Variants in KATNIP observed in about 807,000 individuals in gnomAD.
The protein encoded by KATNIP is katanin-interacting protein.
A neutral mutation model predicts 174.0 loss-of-function variants in KATNIP; 126 were observed. The ratio of observed to expected loss-of-function variants is 0.72; its 90% confidence interval spans 0.63 to 0.84. The LOEUF is 0.84. KATNIP is among the 40% of genes least tolerant of loss of function. KATNIP has a pLI of 0.00. For synonymous variants in KATNIP, 810 were observed against 835.7 expected (o/e 0.97, Z 0.53); for missense variants, 1,958 against 2,109.7 (o/e 0.93, Z 1.41).
intron 5 of KATNIP, among the ~76,000 whole-genome samples, chr16:27,642,600 G>A (rs2076833715): frequency 6.6e-6 from 1 of 152,046 alleles, no homozygotes; most frequent in Admixed American, 6.6e-5. Context: ...CAGCCCTAGC[G>A]CCGAGGGTAA....
chr16:27,596,777 C>T (rs985453429), intron 2 of KATNIP, among the ~76,000 whole-genome samples: 2 of 152,168 alleles, frequency 1.3e-5, no homozygotes, highest in Admixed American at 6.5e-5. Flanking sequence ...AATCTCAGCA[C>T]TTTGGGAGGC....
At chr16:27,764,692 G>A (rs1040372923) in intron 19 of KATNIP, among the ~76,000 whole-genome samples, 16 of 152,068 alleles carry the variant, frequency 1.1e-4, no homozygotes, top group Non-Finnish European at 1.0e-4. Flanking sequence ...TTTCACTGTC[G>A]GCTACAAATG....
At chr16:27,748,723 G>A (rs1725350858) in intron 15 of KATNIP, among the ~76,000 whole-genome samples, 1 of 150,230 alleles carries the variant, frequency 6.7e-6, no homozygotes, top group Non-Finnish European at 1.5e-5. Context: ...GGTCAAGGTT[G>A]CAGTGAGCTT....
At chr16:27,773,613 C>A (rs1449073225) in intron 23 of KATNIP, among the ~76,000 whole-genome samples, 3 of 152,066 alleles carry the variant, frequency 2.0e-5, no homozygotes, top group Non-Finnish European at 4.4e-5. Flanking sequence ...CATAGTATGC[C>A]CACACCAGAA....
intron 15 of KATNIP, among the ~76,000 whole-genome samples, chr16:27,742,032 C>CA (rs561087780): frequency 0.042 from 4,713 of 113,484 alleles, 125 homozygotes; most frequent in East Asian, 0.17. Flanking sequence ...CTGTATATGT[C>CA]AAAAAAAAAA....
chr16:27,550,337 C>G (rs2089293169), intron 1 of KATNIP, among the ~76,000 whole-genome samples, 160 bp downstream of exon 1: 1 of 152,140 alleles, frequency 6.6e-6, no homozygotes, highest in East Asian at 1.9e-4. Flanking sequence ...TGGTCTGGAA[C>G]GCGGAGGAGA....
intron 21 of KATNIP, 29 bp downstream of exon 21, chr16:27,770,047 C>T: frequency 6.2e-7 from 1 of 1,601,372 alleles, no homozygotes; most frequent in Non-Finnish European, 8.5e-7. Context: ...CCACACACAG[C>T]CCCTCCCGGC....
At chr16:27,640,785 G>A (rs758770858) in intron 5 of KATNIP, among the ~76,000 whole-genome samples, 2 of 151,838 alleles carry the variant, frequency 1.3e-5, no homozygotes, top group Non-Finnish European at 2.9e-5. Context: ...TGCAAACCTG[G>A]GTCCTGACAC....
rs144407377 is a variant in KATNIP, at chr16:27,621,649, C to T, written c.140+3148C>T. ...TAAAGAGAAAGGTTTCATTGGCTCA[C>T]GATTCTGCAGGCTGTACAGGAAGCA... On this transcript the variant is annotated intron_variant, in intron 3 of 27. Transcript: ENST00000261588. 3.2e-4 allele frequency among the ~76,000 whole-genome samples: 48 copies of T among 151,834 alleles called. No homozygotes were observed. The East Asian group carries it at 9.0e-3, about 29-fold the overall frequency.
chr16:27,593,239 CTTTT>C (rs1277615598), intron 2 of KATNIP, among the ~76,000 whole-genome samples: 1 of 90,558 alleles, frequency 1.1e-5, no homozygotes, highest in Non-Finnish European at 2.1e-5. Flanking sequence ...ACCCCCCACC[CTTTT>C]TTTTTTTTTT....
At chr16:27,556,651 G>C (rs1010779324) in intron 1 of KATNIP, among the ~76,000 whole-genome samples, 1 of 152,148 alleles carries the variant, frequency 6.6e-6, no homozygotes, top group Non-Finnish European at 1.5e-5. Flanking sequence ...CTGCAAACAG[G>C]TGATGGTTGA....
intron 1 of KATNIP, among the ~76,000 whole-genome samples, chr16:27,569,686 G>C (rs1200134094): frequency 6.6e-6 from 1 of 152,220 alleles, no homozygotes; most frequent in Non-Finnish European, 1.5e-5. Context: ...TTGACAGGCA[G>C]GAGCTGTCTT....
intron 1 of KATNIP, among the ~76,000 whole-genome samples, chr16:27,564,160 C>T (rs1047040311): frequency 2.6e-5 from 4 of 152,070 alleles, no homozygotes; most frequent in African/African-American, 9.7e-5. Flanking sequence ...TATTTGGAAG[C>T]CCAAGTTCAG....
At chr16:27,672,064 TA>T (rs2077931260) in intron 6 of KATNIP, among the ~76,000 whole-genome samples, 1 of 151,924 alleles carries the variant, frequency 6.6e-6, no homozygotes, top group Non-Finnish European at 1.5e-5. Flanking sequence ...CTCAAAAAAA[TA>T]AATTAATAAA....
intron 15 of KATNIP, among the ~76,000 whole-genome samples, chr16:27,749,294 C>G (rs116357467): frequency 6.6e-6 from 1 of 152,224 alleles, no homozygotes; most frequent in Non-Finnish European, 1.5e-5. Context: ...ATTATTTTAC[C>G]GACCTGAATG....
At chr16:27,669,186 A>G in intron 6 of KATNIP, 1 of 657,070 alleles carries the variant, frequency 1.5e-6, no homozygotes, top group Non-Finnish European at 1.9e-6. Context: ...AGTTCAGCAG[A>G]AAGAGGAAGC....
At chr16:27,627,155 C>T (rs2076358540) in intron 3 of KATNIP, among the ~76,000 whole-genome samples, 1 of 152,182 alleles carries the variant, frequency 6.6e-6, no homozygotes, top group South Asian at 2.1e-4. Context: ...GAGGCAACAT[C>T]TTTAGTCCCC....
In KATNIP at chr16:27,628,786, A is replaced by G. The variant is rs2076403190; in HGVS notation, c.266A>G (p.His89Arg). Residue 89 changes from histidine to arginine, a missense_variant, in exon 4 of 28, where the codon CAC becomes CGC. His to Arg is a conservative substitution (Grantham distance 29). Around this residue, in one of 3 missense-constraint regions of KATNIP, gnomAD observed 1,557 missense variants for 1,617.8 expected, o/e 0.96. Coordinates refer to ENST00000261588, the MANE Select transcript of KATNIP (RefSeq NM_015202.5). ...AAATCATCACCGCGGAAAGCTATTC[A>G]CTCTGACTTCTCCAGAAGTGCCTCC... ...ELKSSPRKAI[H>R]SDFSRSASHT... The G allele has an allele frequency of 6.2e-7, 1 of 1,613,874 alleles. No homozygotes were observed. Among genetic ancestry groups the G allele is most frequent in the Admixed American group, 1.7e-5 (1 of 59,974 alleles).
chr16:27,610,289 G>T (rs936515740), intron 2 of KATNIP, among the ~76,000 whole-genome samples: 1 of 152,160 alleles, frequency 6.6e-6, no homozygotes, highest in African/African-American at 2.4e-5. Context: ...GGGAGAAATG[G>T]TCAGATTTTG....
Sources: gnomAD v4.1 joint callset for allele counts (sites outside exome capture counted in the v4.1 genomes callset) on GRCh38, gnomAD v4.1.1 for gene constraint, gnomAD v4.1.1 regional missense constraint, MANE v1.5 for transcripts, NCBI Gene and HGNC (gene_info 2026-07-23, HGNC 2026-07-21) for gene names.